Variants in RGL1 observed in about 807,000 individuals in gnomAD.
RGL1 encodes the protein ral guanine nucleotide dissociation stimulator like 1, also known as ral guanine nucleotide dissociation stimulator-like 1.
Under a neutral mutation model 95.2 loss-of-function variants are expected in RGL1, and 24 were observed. That is an observed-to-expected ratio of 0.25 (90% confidence interval 0.18 to 0.35). RGL1 has a LOEUF of 0.35. Ranked by LOEUF, RGL1 falls within the 10% of genes least tolerant of loss-of-function variation. The pLI is 1.00. For synonymous variants in RGL1, 329 were observed against 344.9 expected (o/e 0.95, Z 0.51); for missense variants, 715 against 936.3 (o/e 0.76, Z 3.08).
At chr1:183,678,060 CTATT>C (rs561657612) in intron 1 of RGL1, among the ~76,000 whole-genome samples, 152 of 152,198 alleles carry the variant, frequency 1.0e-3, no homozygotes, top group African/African-American at 3.5e-3. Context: ...AAAGATGAAA[CTATT>C]AAAGCAGATG....
In RGL1 at chr1:183,892,066, C is replaced by G; in HGVS notation, c.1056-11C>G. The G allele has an allele frequency of 1.2e-6, 2 of 1,602,808 alleles. No homozygotes were observed. The highest frequency in any genetic ancestry group is 1.7e-6 in the Non-Finnish European group (2 of 1,171,128). Reference sequence around the variant, plus strand: ...CTTCATTGTTAATATTTTCTTAATCCCTTTTCATAGGGACCGAATGCTGAT... The same window carrying G: ...CTTCATTGTTAATATTTTCTTAATCGCTTTTCATAGGGACCGAATGCTGAT... On this transcript the variant is annotated splice_polypyrimidine_tract_variant and intron_variant, in intron 8 of 17. Transcript: ENST00000360851.
intron 2 of RGL1, among the ~76,000 whole-genome samples, chr1:183,847,342 C>A (rs1355039019): frequency 3.3e-5 from 5 of 152,144 alleles, no homozygotes; most frequent in Admixed American, 3.3e-4. Flanking sequence ...GTAGTCCCAG[C>A]TACTTGGGAG....
At chr1:183,784,680 A>C (rs1277111639) in intron 2 of RGL1, among the ~76,000 whole-genome samples, 8 of 152,250 alleles carry the variant, frequency 5.3e-5, no homozygotes, top group Non-Finnish European at 1.0e-4. Context: ...CTGGAGAAAC[A>C]GTCAGGGTTC....
At chr1:183,874,845 T>C (rs552104348) in intron 4 of RGL1, among the ~76,000 whole-genome samples, 3 of 152,200 alleles carry the variant, frequency 2.0e-5, no homozygotes, top group Non-Finnish European at 4.4e-5. Context: ...AGGCAGCTTC[T>C]ATCTGGCAAC....
At chr1:183,836,536 G>T (rs1007657688) in intron 2 of RGL1, among the ~76,000 whole-genome samples, 1 of 152,020 alleles carries the variant, frequency 6.6e-6, no homozygotes, top group African/African-American at 2.4e-5. Flanking sequence ...TCCAAAGTGC[G>T]GGAATACAGG....
At chr1:183,727,461 A>G (rs940012169) in intron 1 of RGL1, among the ~76,000 whole-genome samples, 1 of 152,202 alleles carries the variant, frequency 6.6e-6, no homozygotes, top group South Asian at 2.1e-4. Context: ...ATTTTATGGT[A>G]TGTGAATTAT....
chr1:183,669,369 A>G (rs1286739305), intron 1 of RGL1, among the ~76,000 whole-genome samples: 1 of 151,838 alleles, frequency 6.6e-6, no homozygotes, highest in East Asian at 1.9e-4. Flanking sequence ...TAGAATTTTC[A>G]TGTTTCTGTT....
In RGL1 at chr1:183,897,907, G is replaced by A. The variant is rs757646452; in HGVS notation, c.1230+10G>A. 47 of 1,611,882 alleles carry A rather than the reference G, an allele frequency of 2.9e-5. No individual in the cohort carries two copies. The highest frequency in any genetic ancestry group is 2.2e-4 in the East Asian group (10 of 44,858). On this transcript the variant is annotated intron_variant, in intron 10 of 17. Coordinates refer to ENST00000360851, the MANE Select transcript of RGL1 (RefSeq NM_001297671.3). Reference sequence around the variant, plus strand: ...GCTCCAGAAGGACATGGTATGTCTGGCCCTCGTCTTCCCTGACAGCTCACA... The same window carrying A: ...GCTCCAGAAGGACATGGTATGTCTGACCCTCGTCTTCCCTGACAGCTCACA...
chr1:183,884,873 G>A lies in RGL1; in HGVS notation c.886G>A (p.Gly296Arg). The A allele has an allele frequency of 6.2e-7, 1 of 1,614,090 alleles. No individual in the cohort carries two copies. Among genetic ancestry groups the A allele is most frequent in the Non-Finnish European group, 8.5e-7 (1 of 1,179,976 alleles). Residue 296 changes from glycine to arginine, a missense_variant, in exon 7 of 18, where the codon GGG becomes AGG. Physicochemically the swap from Gly to Arg is moderately radical, Grantham distance 125. Transcript: ENST00000360851. ...CAAATGTGTTGTCAGCACCATCCTG[G>A]GGGGCAAAGAACTCAAAACTCAGCA... is the stretch of plus-strand genomic sequence containing the variant. ...LTKCVVSTIL[G>R]GKELKTQQRA...
intron 4 of RGL1, among the ~76,000 whole-genome samples, chr1:183,877,817 T>C (rs919796331): frequency 6.6e-6 from 1 of 152,154 alleles, no homozygotes; most frequent in African/African-American, 2.4e-5. Context: ...AAACATCAGA[T>C]TGAGGAACAC....
chr1:183,671,621 T>A (rs534596939), intron 1 of RGL1, among the ~76,000 whole-genome samples: 1 of 152,248 alleles, frequency 6.6e-6, no homozygotes, highest in South Asian at 2.1e-4. Context: ...TTTGGATAGC[T>A]AATGCCCCAT....
intron 2 of RGL1, among the ~76,000 whole-genome samples, chr1:183,817,702 T>C (rs2102446756): frequency 6.6e-6 from 1 of 152,312 alleles, no homozygotes; most frequent in East Asian, 1.9e-4. Context: ...TAATAAGTGA[T>C]TTACTTATGT....
intron 2 of RGL1, among the ~76,000 whole-genome samples, chr1:183,833,310 G>A (rs1663391960): frequency 6.6e-6 from 1 of 152,166 alleles, no homozygotes; most frequent in Non-Finnish European, 1.5e-5. Context: ...CAACTTCTCT[G>A]TTATCCCATC....
chr1:183,746,479 CTTCA>C (rs1657636543), intron 2 of RGL1, among the ~76,000 whole-genome samples: 1 of 151,722 alleles, frequency 6.6e-6, no homozygotes, highest in Admixed American at 6.6e-5. Context: ...TATAGTAGTA[CTTCA>C]TTAATTTTCA....
chr1:183,813,508 T>C (rs969795393), intron 2 of RGL1, among the ~76,000 whole-genome samples: 3 of 152,242 alleles, frequency 2.0e-5, no homozygotes, highest in Non-Finnish European at 4.4e-5. Flanking sequence ...GGTTTCTTTT[T>C]CTTTCTTCCT....
chr1:183,905,855 T>C lies in RGL1; in HGVS notation c.1472+884T>C, dbSNP rs150260488. ...ATATTTTGTGACACGAAACAGTTAT[T>C]TGAAATTCAGATTTCAGTATCTACA... On this transcript the variant is annotated intron_variant, in intron 13 of 17. Transcript: ENST00000360851. 5.9e-5 allele frequency among the ~76,000 whole-genome samples: 9 copies of C among 152,352 alleles called. No individual in the cohort carries two copies. In the East Asian group the frequency reaches 1.7e-3, roughly 29 times the overall value.
chr1:183,911,175 G>A (rs1668621818), intron 14 of RGL1, among the ~76,000 whole-genome samples: 1 of 152,140 alleles, frequency 6.6e-6, no homozygotes. Flanking sequence ...GGTGTCACCG[G>A]TTGAGAGTTT....
intron 3 of RGL1, 117 bp from the exon 4 acceptor site, chr1:183,865,879 A>G: frequency 2.8e-6 from 2 of 705,378 alleles, no homozygotes; most frequent in Non-Finnish European, 2.5e-6. Context: ...TCATAGATAT[A>G]TCTTTCCTTA....
intron 1 of RGL1, among the ~76,000 whole-genome samples, chr1:183,640,688 A>G (rs112267634): frequency 3.3e-5 from 5 of 152,298 alleles, no homozygotes; most frequent in African/African-American, 7.2e-5. Context: ...TATTAATGCT[A>G]ACAGTCGTTT....
Sources: gnomAD v4.1 joint callset for allele counts (sites outside exome capture counted in the v4.1 genomes callset) on GRCh38, gnomAD v4.1.1 for gene constraint, MANE v1.5 for transcripts, NCBI Gene and HGNC (gene_info 2026-07-23, HGNC 2026-07-21) for gene names.